CSGALNACT1: variants seen among roughly 807,000 people sequenced by gnomAD.
CSGALNACT1 encodes the protein chondroitin sulfate N-acetylgalactosaminyltransferase 1.
CSGALNACT1 carries 52 observed loss-of-function variants against 51.0 expected under a neutral mutation model. The observed-to-expected ratio is 1.02, with a 90% CI of 0.82 to 1.29. The LOEUF is 1.29. Among genes scored for constraint, CSGALNACT1 ranks in the 50% most tolerant of loss-of-function variants. The probability of loss-of-function intolerance (pLI) is 0.00; values close to 1 mark genes in which losing one functional copy is unlikely to be tolerated. For synonymous variants in CSGALNACT1, 341 were observed against 254.4 expected (o/e 1.34, Z -3.24); for missense variants, 935 against 679.2 (o/e 1.38, Z -4.19).
chr8:19,596,448 C>T (rs189680272), intron 2 of CSGALNACT1, among the ~76,000 whole-genome samples: 35 of 152,164 alleles, frequency 2.3e-4, no homozygotes, highest in African/African-American at 7.7e-4. Flanking sequence ...CATTTCTGCT[C>T]TTAATCACAA....
chr8:19,564,426 C>A (rs1214298335), intron 3 of CSGALNACT1, among the ~76,000 whole-genome samples: 1 of 149,924 alleles, frequency 6.7e-6, no homozygotes, highest in Non-Finnish European at 1.5e-5. Context: ...AAAGTTCCTG[C>A]AAGATATTTC....
intron 1 of CSGALNACT1, among the ~76,000 whole-genome samples, chr8:19,626,066 G>T (rs887586439): frequency 6.6e-6 from 1 of 152,120 alleles, no homozygotes; most frequent in African/African-American, 2.4e-5. Context: ...ATATACACAG[G>T]CTTCTTCTAA....
chr8:19,696,476 G>C (rs1564440342), intron 1 of CSGALNACT1, among the ~76,000 whole-genome samples: 1 of 152,220 alleles, frequency 6.6e-6, no homozygotes, highest in Non-Finnish European at 1.5e-5. Flanking sequence ...CCACGATGCA[G>C]ATGTACATAA....
intron 4 of CSGALNACT1, among the ~76,000 whole-genome samples, chr8:19,499,002 C>A (rs983022915): frequency 6.6e-6 from 1 of 152,138 alleles, no homozygotes; most frequent in Non-Finnish European, 1.5e-5. Flanking sequence ...TGTAGCCCAG[C>A]TGCTCCAAAA....
chr8:19,432,456 A>G (rs2059779386), intron 6 of CSGALNACT1, among the ~76,000 whole-genome samples: 1 of 152,176 alleles, frequency 6.6e-6, no homozygotes, highest in Admixed American at 6.5e-5. Flanking sequence ...TTAGATATGT[A>G]GATTAATGTT....
chr8:19,461,007 G>A (rs1469693884), intron 4 of CSGALNACT1, among the ~76,000 whole-genome samples: 1 of 152,120 alleles, frequency 6.6e-6, no homozygotes, highest in East Asian at 1.9e-4. Context: ...CCCCAGCAGT[G>A]AACACAGCTA....
At chr8:19,432,408 G>C (rs1247278860) in intron 6 of CSGALNACT1, among the ~76,000 whole-genome samples, 1 of 151,998 alleles carries the variant, frequency 6.6e-6, no homozygotes, top group Non-Finnish European at 1.5e-5. Context: ...AGTTTAATGT[G>C]GATTTCTATG....
rs530535380 is a variant in CSGALNACT1 at position 19,663,664 on chromosome 8, C to T, written c.-544+18809G>A. On this transcript the variant is annotated intron_variant, in intron 1 of 9. Transcript: ENST00000332246. ...ATTACCAATTGGGGAGGAAGACAGA[C>T]ACTAGGGAAAAGTACATACAACATA... Among the ~76,000 whole-genome samples, 4 of 152,262 alleles carry T rather than the reference C, an allele frequency of 2.6e-5. No homozygotes were observed. In the South Asian group the frequency reaches 8.3e-4, roughly 32 times the overall value.
intron 1 of CSGALNACT1, among the ~76,000 whole-genome samples, chr8:19,750,366 C>G (rs999923261): frequency 3.3e-5 from 5 of 152,068 alleles, no homozygotes; most frequent in Non-Finnish European, 5.9e-5. Context: ...TGATCACACT[C>G]GGCCTTGGAT....
intron 3 of CSGALNACT1, among the ~76,000 whole-genome samples, chr8:19,536,322 C>A (rs563982792): frequency 1.4e-5 from 2 of 140,336 alleles, no homozygotes; most frequent in Admixed American, 1.4e-4. Flanking sequence ...TTGCTCTGAA[C>A]TTCAAAATTT....
At chr8:19,570,623 C>T (rs112015506) in intron 3 of CSGALNACT1, among the ~76,000 whole-genome samples, 26 of 152,230 alleles carry the variant, frequency 1.7e-4, no homozygotes, top group African/African-American at 5.1e-4. Context: ...ATGTACAGGC[C>T]GGGTTTGGCG....
At chr8:19,415,219 T>G (rs2056636467) in intron 8 of CSGALNACT1, among the ~76,000 whole-genome samples, 1 of 152,198 alleles carries the variant, frequency 6.6e-6, no homozygotes, top group African/African-American at 2.4e-5. Flanking sequence ...TACCAAGTAA[T>G]GAAAGCGTTT....
intron 1 of CSGALNACT1, among the ~76,000 whole-genome samples, chr8:19,630,192 C>CTG (rs1399298561): frequency 5.0e-5 from 6 of 119,962 alleles, no homozygotes; most frequent in African/African-American, 1.6e-4. Flanking sequence ...GTTCCCACGT[C>CTG]TCTGTGTGTG....
chr8:19,617,576 A>G (rs1016992493), intron 1 of CSGALNACT1, among the ~76,000 whole-genome samples: 4 of 152,310 alleles, frequency 2.6e-5, no homozygotes, highest in Non-Finnish European at 5.9e-5. Context: ...TTGTTCATAA[A>G]TCTGTCCTAC....
chr8:19,664,341 G>A lies in CSGALNACT1; in HGVS notation c.-544+18132C>T, dbSNP rs58849178. 2.2e-3 allele frequency among the ~76,000 whole-genome samples: 331 copies of A among 152,238 alleles called. 13 individuals are homozygous for A. The highest frequency in any genetic ancestry group is 0.015 in the Admixed American group (233 of 15,284). ...ATTAAAGAGTCAAAAAATAACAGAC[G>A]TTGGCGAGGAGGTGCAGAAAAGGCA... On this transcript the variant is annotated intron_variant, in intron 1 of 9. Coordinates refer to the CSGALNACT1 transcript ENST00000332246.
chr8:19,715,000 G>A (rs2062722344), intron 1 of CSGALNACT1, among the ~76,000 whole-genome samples: 1 of 152,048 alleles, frequency 6.6e-6, no homozygotes. Flanking sequence ...CCGTTTTTAT[G>A]CTGCTGATAA....
intron 3 of CSGALNACT1, among the ~76,000 whole-genome samples, chr8:19,510,675 C>G (rs1222420268): frequency 6.6e-6 from 1 of 152,160 alleles, no homozygotes; most frequent in Non-Finnish European, 1.5e-5. Flanking sequence ...TCCCACCGAC[C>G]AAACGTATGG....
rs1243601381 is a variant in CSGALNACT1, at chr8:19,744,982, C to T, written c.-297+12868G>A. Among the ~76,000 whole-genome samples the T allele has an allele frequency of 1.1e-4, 17 of 152,134 alleles. 1 individual carries two copies. The highest frequency in any genetic ancestry group is 1.0e-3 in the Admixed American group (16 of 15,282). On this transcript the variant is annotated intron_variant, in intron 1 of 1. Transcript: ENST00000517494. Reference sequence around the variant, plus strand: ...AGCTAAAACATCCACTGCCACGTAACGTATTACTCTTGGTACCCATAAAGG... The same window carrying T: ...AGCTAAAACATCCACTGCCACGTAATGTATTACTCTTGGTACCCATAAAGG...
chr8:19,637,789 C>A (rs1038075296), intron 1 of CSGALNACT1, among the ~76,000 whole-genome samples: 1 of 151,578 alleles, frequency 6.6e-6, no homozygotes, highest in Non-Finnish European at 1.5e-5. Context: ...AAATTACAAC[C>A]TGAGAATTAT....
Sources: allele counts gnomAD v4.1 joint callset (sites outside exome capture counted in the v4.1 genomes callset), GRCh38; gene constraint gnomAD v4.1.1; transcripts MANE v1.5; gene names NCBI Gene and HGNC (gene_info 2026-07-23, HGNC 2026-07-21).